The following EYS variants were observed in gnomAD, a reference collection of about 807,000 sequenced individuals.
EYS encodes the protein protein eyes shut homolog.
Under a neutral mutation model 282.1 loss-of-function variants are expected in EYS, and 250 were observed. The ratio of observed to expected loss-of-function variants is 0.89; its 90% CI spans 0.80 to 0.98. The LOEUF (loss-of-function observed/expected upper bound fraction) is 0.98, where lower values mean the gene tolerates loss of function less well. EYS is among the 50% of genes least tolerant of loss of function. EYS has a pLI of 0.00. For missense variants in EYS, 4,016 were observed against 3,709.0 expected, an observed-to-expected ratio of 1.08 and a Z score of -2.15; for synonymous variants, 1,355 against 1,282.9, an observed-to-expected ratio of 1.06 and a Z score of -1.20.
At chr6:64,703,414 T>C (rs142772869) in intron 22 of EYS, among the ~76,000 whole-genome samples, 174 of 14,352 alleles carry the variant, frequency 0.012, no homozygotes, top group East Asian at 0.022. Flanking sequence ...CACACACATA[T>C]ATATATATAT....
At chr6:64,531,504 A>T (rs562187226) in intron 26 of EYS, among the ~76,000 whole-genome samples, 6 of 150,594 alleles carry the variant, frequency 4.0e-5, no homozygotes, top group African/African-American at 1.5e-4. Context: ...CTCCTGCCTC[A>T]GCCTCCCGAA....
chr6:64,547,879 G>C (rs1402060389), intron 26 of EYS, among the ~76,000 whole-genome samples: 3 of 152,232 alleles, frequency 2.0e-5, no homozygotes, highest in African/African-American at 7.2e-5. Context: ...CAAGGAGGCA[G>C]CTAAGGCCCG....
chr6:65,305,462 T>C (rs1171860820), intron 11 of EYS, among the ~76,000 whole-genome samples: 1 of 152,242 alleles, frequency 6.6e-6, no homozygotes, highest in Non-Finnish European at 1.5e-5. Flanking sequence ...TTTAAAGGTA[T>C]TTAGAGATTC....
At chr6:64,705,027 T>A (rs1770954246) in intron 22 of EYS, among the ~76,000 whole-genome samples, 1 of 152,026 alleles carries the variant, frequency 6.6e-6, no homozygotes. Flanking sequence ...AAAGAGGAAG[T>A]CAAACTGTTG....
intron 26 of EYS, among the ~76,000 whole-genome samples, chr6:64,481,889 G>C (rs543791179): frequency 6.6e-6 from 1 of 151,648 alleles, no homozygotes; most frequent in African/African-American, 2.4e-5. Flanking sequence ...AAGGATTTAA[G>C]TGTGATTTAA....
At chr6:64,619,676 T>C (rs1034520227) in intron 23 of EYS, among the ~76,000 whole-genome samples, 17 of 152,042 alleles carry the variant, frequency 1.1e-4, no homozygotes, top group African/African-American at 3.1e-4. Context: ...TTTGCTGTTT[T>C]GTTTTGTTTT....
rs773557642 is a variant in EYS at position 65,405,340 on chromosome 6, G to A, written c.890C>T (p.Pro297Leu). Residue 297 changes from proline (P) to leucine (L), a missense_variant, in exon 6 of 43, where the codon CCT becomes CTT. Physicochemically the swap from Pro to Leu is moderately conservative, Grantham distance 98. Coordinates refer to ENST00000503581, the MANE Select transcript of EYS (RefSeq NM_001142800.2). The stretch of plus-strand genomic sequence containing the variant: ...TTTCCAAAAAAGCAGAGAAACACAA[G>A]GTTTTGCTGACACCTCACAGAATGG... Reference protein sequence around the residue: ...SGPFCEVSAKPCVSLLFWKRG... With the variant: ...SGPFCEVSAKLCVSLLFWKRG... The A allele has an allele frequency of 2.3e-5, 37 of 1,611,286 alleles. No homozygotes were observed. The highest frequency in any genetic ancestry group is 3.1e-5 in the Non-Finnish European group (36 of 1,179,078).
chr6:63,752,082 CTT>C (rs1562009089), intron 41 of EYS, among the ~76,000 whole-genome samples: 1 of 152,136 alleles, frequency 6.6e-6, no homozygotes, highest in South Asian at 2.1e-4. Flanking sequence ...CCAAGGTAAA[CTT>C]TAAAATTTTT....
At chr6:64,338,872 A>G (rs1338321966) in intron 29 of EYS, among the ~76,000 whole-genome samples, 2 of 152,078 alleles carry the variant, frequency 1.3e-5, no homozygotes. Flanking sequence ...AAACAAAAAC[A>G]TAAAGCAGGG....
intron 36 of EYS, among the ~76,000 whole-genome samples, chr6:63,828,293 G>A (rs1771529747): frequency 6.6e-6 from 1 of 152,100 alleles, no homozygotes; most frequent in Admixed American, 6.6e-5. Flanking sequence ...ATGAAAAGCT[G>A]GTTCTTTGAA....
rs549738648 is a variant in EYS, at chr6:64,228,738, T to G, written c.6424+1854A>C. Among the ~76,000 whole-genome samples, 8 of 152,272 alleles carry G rather than the reference T, an allele frequency of 5.3e-5. No individual in the cohort carries two copies. The South Asian group carries it at 1.7e-3, about 32-fold the overall frequency. On this transcript the variant is annotated intron_variant, in intron 31 of 42. Coordinates refer to ENST00000503581, the MANE Select transcript of EYS (RefSeq NM_001142800.2). ...AATTCTTTTCCTGAGGTCACTTTCC[T>G]ATATTCTGCCACCAAAACATCAAAT... is the stretch of plus-strand genomic sequence containing the variant.
intron 29 of EYS, among the ~76,000 whole-genome samples, chr6:64,349,291 A>G (rs1187120311): frequency 1.3e-5 from 2 of 151,260 alleles, no homozygotes; most frequent in Non-Finnish European, 1.5e-5. Context: ...TATATGTAAT[A>G]CAAATGACAT....
Position 64,118,685 on chromosome 6 carries a change from A to G in EYS, c.6425-36683T>C, listed in dbSNP as rs181061284. ...GCAACAAAAGCAAAAATAGACAAAT[A>G]GGATTATATCAAACTAAAAAGTGCC... On this transcript the variant is annotated intron_variant, in intron 31 of 42. Coordinates refer to ENST00000503581, the MANE Select transcript of EYS (RefSeq NM_001142800.2). 6.2e-4 allele frequency among the ~76,000 whole-genome samples: 95 copies of G among 152,206 alleles called. 2 individuals are homozygous for G. The highest frequency in any genetic ancestry group is 6.2e-3 in the Admixed American group (94 of 15,284).
intron 22 of EYS, among the ~76,000 whole-genome samples, chr6:64,675,710 G>A (rs1001145110): frequency 6.6e-6 from 1 of 151,720 alleles, no homozygotes; most frequent in African/African-American, 2.4e-5. Context: ...TTACAGGCAT[G>A]AGCCACCACA....
chr6:64,699,142 TA>T (rs1182096425), intron 22 of EYS, among the ~76,000 whole-genome samples: 8 of 152,180 alleles, frequency 5.3e-5, no homozygotes, highest in East Asian at 1.9e-4. Flanking sequence ...TATGCAGCCA[TA>T]AAAAAAGAAC....
chr6:65,662,282 A>G (rs954746951), intron 1 of EYS, among the ~76,000 whole-genome samples: 3 of 152,142 alleles, frequency 2.0e-5, no homozygotes, highest in African/African-American at 7.2e-5. Context: ...TTTAGTGAAG[A>G]GAGAAGGTCA....
At chr6:65,443,939 C>T (rs180857580) in intron 5 of EYS, among the ~76,000 whole-genome samples, 71 of 151,698 alleles carry the variant, frequency 4.7e-4, no homozygotes, top group African/African-American at 1.7e-3. Flanking sequence ...CAGAAGAACA[C>T]TTTAAATAAT....
At chr6:64,815,252 G>A in intron 21 of EYS, 1 of 462,116 alleles carries the variant, frequency 2.2e-6, no homozygotes, top group East Asian at 6.3e-5. Context: ...GAAAAACCAA[G>A]AGCACATAGT....
At chr6:65,183,321 C>T (rs1765437836) in intron 12 of EYS, among the ~76,000 whole-genome samples, 1 of 151,834 alleles carries the variant, frequency 6.6e-6, no homozygotes, top group Non-Finnish European at 1.5e-5. Context: ...ACATTTTAAG[C>T]TTTGCTGAGT....
Sources: gnomAD v4.1 joint callset for allele counts (sites outside exome capture counted in the v4.1 genomes callset) on GRCh38, gnomAD v4.1.1 for gene constraint, MANE v1.5 for transcripts, NCBI Gene and HGNC (gene_info 2026-07-23, HGNC 2026-07-21) for gene names.